Variants in SLC24A3 observed in about 807,000 individuals in gnomAD.
SLC24A3 encodes solute carrier family 24 member 3.
Under a neutral mutation model 75.8 loss-of-function variants are expected in SLC24A3, and 28 were observed. That is an observed-to-expected ratio of 0.37 (90% confidence interval 0.27 to 0.51). The LOEUF (loss-of-function observed/expected upper bound fraction) is 0.51. SLC24A3 is among the 20% of genes least tolerant of loss of function. The pLI is 0.94. For missense variants in SLC24A3, 663 were observed against 847.8 expected, an observed-to-expected ratio of 0.78 and a Z score of 2.71; for synonymous variants, 372 against 334.1, an observed-to-expected ratio of 1.11 and a Z score of -1.24.
intron 6 of SLC24A3, among the ~76,000 whole-genome samples, chr20:19,589,515 G>A (rs1237765823): frequency 1.3e-5 from 2 of 152,160 alleles, no homozygotes; most frequent in African/African-American, 4.8e-5. Context: ...TGGTAAAGGT[G>A]GGGAAATATG....
intron 6 of SLC24A3, among the ~76,000 whole-genome samples, chr20:19,597,132 C>T (rs983970413): frequency 9.2e-5 from 14 of 152,168 alleles, no homozygotes; most frequent in African/African-American, 2.4e-4. Flanking sequence ...CCTGTGGCCC[C>T]AGCACTTTGG....
At chr20:19,386,187 A>G (rs1986269559) in intron 2 of SLC24A3, among the ~76,000 whole-genome samples, 1 of 152,196 alleles carries the variant, frequency 6.6e-6, no homozygotes, top group Admixed American at 6.5e-5. Flanking sequence ...TGTAAATATT[A>G]TAAGATTGTT....
chr20:19,539,203 TCACTTCTAATACGTC>T (rs1457941390), intron 3 of SLC24A3, among the ~76,000 whole-genome samples: 1 of 152,228 alleles, frequency 6.6e-6, no homozygotes, highest in Non-Finnish European at 1.5e-5. Context: ...TTCAAGGTAT[TCACTTCTAATACGTC>T]CATTCCAATT....
intron 6 of SLC24A3, among the ~76,000 whole-genome samples, chr20:19,631,115 G>A (rs993340057): frequency 6.6e-6 from 1 of 152,120 alleles, no homozygotes; most frequent in Non-Finnish European, 1.5e-5. Flanking sequence ...AGGCTGAGGT[G>A]GACAGATCAC....
At chr20:19,689,088 C>G (rs1382248279) in intron 12 of SLC24A3, among the ~76,000 whole-genome samples, 1 of 152,066 alleles carries the variant, frequency 6.6e-6, no homozygotes, top group Non-Finnish European at 1.5e-5. Context: ...GCAAAAGAAA[C>G]CTTTTCATGT....
At chr20:19,315,644 C>G (rs58864324) in intron 2 of SLC24A3, among the ~76,000 whole-genome samples, 1 of 152,186 alleles carries the variant, frequency 6.6e-6, no homozygotes, top group African/African-American at 2.4e-5. Context: ...GTGCTCAGGT[C>G]ATGATCAAGA....
At chr20:19,508,165 G>T (rs557308292) in intron 2 of SLC24A3, among the ~76,000 whole-genome samples, 1 of 152,336 alleles carries the variant, frequency 6.6e-6, no homozygotes, top group East Asian at 1.9e-4. Context: ...CCCAGGAAAA[G>T]TGGGAGCAAC....
intron 1 of SLC24A3, among the ~76,000 whole-genome samples, chr20:19,263,229 C>T (rs2122198452): frequency 6.6e-6 from 1 of 152,254 alleles, no homozygotes; most frequent in Middle Eastern, 3.4e-3. Flanking sequence ...AGGGAACAGT[C>T]TCATGTGGCT....
intron 3 of SLC24A3, among the ~76,000 whole-genome samples, chr20:19,544,873 C>T (rs1239136379): frequency 6.6e-6 from 1 of 152,122 alleles, no homozygotes; most frequent in Non-Finnish European, 1.5e-5. Context: ...AAAGCATGGC[C>T]ACCATGAACT....
chr20:19,578,550 C>G (rs568214213), intron 3 of SLC24A3, among the ~76,000 whole-genome samples: 3 of 151,886 alleles, frequency 2.0e-5, no homozygotes, highest in Non-Finnish European at 4.4e-5. Flanking sequence ...GTCCCTGACT[C>G]TCCACTGTGT....
In SLC24A3 at chr20:19,273,271, G is replaced by A. The variant is rs368504254; in HGVS notation, c.143-7688G>A. On this transcript the variant is annotated intron_variant, in intron 1 of 16. Coordinates refer to ENST00000328041, the MANE Select transcript of SLC24A3 (RefSeq NM_020689.4). The stretch of plus-strand genomic sequence containing the variant: ...GAAGGCAAAGGGATTTTGATGGGAA[G>A]TAGAGAAAGAGCCAGGCCTCTCTTT... Among the ~76,000 whole-genome samples, 6 of 152,314 alleles carry A rather than the reference G, an allele frequency of 3.9e-5. 1 individual carries two copies. The East Asian group carries it at 1.2e-3, about 29-fold the overall frequency.
intron 2 of SLC24A3, among the ~76,000 whole-genome samples, chr20:19,448,204 G>C (rs1987418207): frequency 6.6e-6 from 1 of 152,180 alleles, no homozygotes; most frequent in African/African-American, 2.4e-5. Flanking sequence ...CGGTAGTTCA[G>C]AGCCAGACAC....
At chr20:19,655,932 C>CAACAAA (rs1386834280) in intron 7 of SLC24A3, among the ~76,000 whole-genome samples, 1 of 152,056 alleles carries the variant, frequency 6.6e-6, no homozygotes, top group Non-Finnish European at 1.5e-5. Flanking sequence ...TTTGTTGGTT[C>CAACAAA]AGTGTCTCTT....
chr20:19,618,544 G>T (rs1192646443), intron 6 of SLC24A3, among the ~76,000 whole-genome samples: 2 of 152,194 alleles, frequency 1.3e-5, no homozygotes, highest in Non-Finnish European at 2.9e-5. Flanking sequence ...AAATACAGCT[G>T]CCTTCTGTGA....
intron 3 of SLC24A3, among the ~76,000 whole-genome samples, chr20:19,572,123 G>A (rs917136006): frequency 6.6e-6 from 1 of 152,158 alleles, no homozygotes; most frequent in Admixed American, 6.5e-5. Context: ...GATCGCTTGA[G>A]TCCAGGAATT....
intron 3 of SLC24A3, among the ~76,000 whole-genome samples, chr20:19,536,333 T>A (rs2030395400): frequency 6.6e-6 from 1 of 152,120 alleles, no homozygotes; most frequent in South Asian, 2.1e-4. Context: ...AGAGGAACTT[T>A]GGGAGTGTTT....
intron 6 of SLC24A3, among the ~76,000 whole-genome samples, chr20:19,599,801 C>T (rs2031502348): frequency 2.0e-5 from 3 of 152,150 alleles, no homozygotes; most frequent in Non-Finnish European, 4.4e-5. Flanking sequence ...CGCACCTTCC[C>T]TCATCCTGAT....
At position 19,513,034 on chromosome 20, in the gene SLC24A3, A is replaced by G. The variant is rs145777221; in HGVS notation, c.272-2454A>G. 3.9e-5 allele frequency among the ~76,000 whole-genome samples: 6 copies of G among 152,340 alleles called. No individual in the cohort carries two copies. In the East Asian group the frequency reaches 1.2e-3, roughly 29 times the overall value. On this transcript the variant is annotated intron_variant, in intron 2 of 16. Coordinates refer to ENST00000328041, the MANE Select transcript of SLC24A3 (RefSeq NM_020689.4). ...TTCCAGCTCTGAGACTAGGAGAACAATAGGAGAGGTGACCTTTCAACCCTA... is the reference window on the plus strand; with the variant it reads ...TTCCAGCTCTGAGACTAGGAGAACAGTAGGAGAGGTGACCTTTCAACCCTA...
At chr20:19,610,782 ATT>A (rs2031661633) in intron 6 of SLC24A3, among the ~76,000 whole-genome samples, 1 of 152,200 alleles carries the variant, frequency 6.6e-6, no homozygotes, top group Non-Finnish European at 1.5e-5. Flanking sequence ...GAGCTGGAAT[ATT>A]TGTACACCAG....
Sources: gnomAD v4.1 joint callset for allele counts (sites outside exome capture counted in the v4.1 genomes callset) on GRCh38, gnomAD v4.1.1 for gene constraint, MANE v1.5 for transcripts, NCBI Gene and HGNC (gene_info 2026-07-23, HGNC 2026-07-21) for gene names.